PHLPP1: variants seen among roughly 807,000 people sequenced by gnomAD.
PHLPP1 encodes PH domain leucine-rich repeat-containing protein phosphatase 1.
PHLPP1 carries 42 observed loss-of-function variants against 117.2 expected under a neutral mutation model. That is an observed-to-expected ratio of 0.36 (90% CI 0.28 to 0.46). The LOEUF is 0.46. Among genes scored for constraint, PHLPP1 ranks in the 20% least tolerant of loss-of-function variants. PHLPP1 has a pLI of 1.00. For synonymous variants in PHLPP1, 1,042 were observed against 970.7 expected, an observed-to-expected ratio of 1.07 and a Z score of -1.37; for missense variants, 2,084 against 2,241.9, an observed-to-expected ratio of 0.93 and a Z score of 1.42.
At chr18:62,838,005 A>G (rs1220130505) in intron 2 of PHLPP1, 1 of 152,010 alleles carries the variant, frequency 6.6e-6, no homozygotes, top group Non-Finnish European at 1.5e-5. Flanking sequence ...GAGCAAATTA[A>G]TGTTCTACCT....
At chr18:62,826,730 C>A (rs911188967) in intron 1 of PHLPP1, among the ~76,000 whole-genome samples, 1 of 151,980 alleles carries the variant, frequency 6.6e-6, no homozygotes. Flanking sequence ...CATCCGGGCG[C>A]GGTGGTTCAT....
At chr18:62,873,180 A>G (rs974757369) in intron 4 of PHLPP1, among the ~76,000 whole-genome samples, 9 of 152,168 alleles carry the variant, frequency 5.9e-5, no homozygotes, top group Non-Finnish European at 1.3e-4. Context: ...TTAGAAAAAG[A>G]AATAGGAGAA....
chr18:62,850,611 G>A (rs1372174924), intron 3 of PHLPP1, among the ~76,000 whole-genome samples: 1 of 152,116 alleles, frequency 6.6e-6, no homozygotes, highest in Non-Finnish European at 1.5e-5. Context: ...TTGCCAATAA[G>A]GAACTGAGGA....
chr18:62,732,865 G>C (rs1243043565), intron 1 of PHLPP1, among the ~76,000 whole-genome samples: 1 of 152,176 alleles, frequency 6.6e-6, no homozygotes, highest in Non-Finnish European at 1.5e-5. Flanking sequence ...GTTGGAAATA[G>C]CAAAAGAACT....
chr18:62,976,020 A>G lies in PHLPP1; in HGVS notation c.3984+395A>G, dbSNP rs184851226. On this transcript the variant is annotated intron_variant, in intron 16 of 16. Coordinates refer to ENST00000262719, the MANE Select transcript of PHLPP1 (RefSeq NM_194449.4). ...TTTTCTCATCTGTAAAGTGGGAATA[A>G]TCATGCATCTGTCCTATCTTACAAG... 1.9e-3 allele frequency among the ~76,000 whole-genome samples: 291 copies of G among 152,334 alleles called. 2 individuals are homozygous for G. Among genetic ancestry groups the G allele is most frequent in the African/African-American group, 6.7e-3 (280 of 41,578 alleles).
chr18:62,856,393 A>G (rs1439980054), intron 3 of PHLPP1, among the ~76,000 whole-genome samples: 1 of 151,958 alleles, frequency 6.6e-6, no homozygotes, highest in Non-Finnish European at 1.5e-5. Context: ...TCTCCTTATT[A>G]TCAGTGTTCT....
intron 12 of PHLPP1, among the ~76,000 whole-genome samples, chr18:62,949,737 T>C (rs1910400145): frequency 6.6e-6 from 1 of 152,140 alleles, no homozygotes; most frequent in Non-Finnish European, 1.5e-5. Flanking sequence ...ACAGATTAGC[T>C]CTTGATCATC....
Position 62,903,064 on chromosome 18 carries a change from A to G in PHLPP1, c.2545A>G (p.Met849Val), listed in dbSNP as rs1032105654. ...CAATAAGCTTGGTGATCTAGATGCT[A>G]TGATTTTCAACAACATTGAAGTTTT... The part of the protein sequence containing the change: ...RDNKLGDLDA[M>V]IFNNIEVLHC... Residue 849 changes from methionine to valine, a missense_variant, in exon 7 of 17, where the codon ATG becomes GTG. Coordinates refer to ENST00000262719, the MANE Select transcript of PHLPP1 (RefSeq NM_194449.4). The G allele has an allele frequency of 4.3e-6, 7 of 1,613,230 alleles. No homozygotes were observed. Among genetic ancestry groups the G allele is most frequent in the African/African-American group, 2.7e-5 (2 of 75,028 alleles).
chr18:62,876,232 T>A (rs1456220007), intron 4 of PHLPP1, among the ~76,000 whole-genome samples: 6 of 152,062 alleles, frequency 3.9e-5, no homozygotes, highest in Non-Finnish European at 5.9e-5. Context: ...TAAAAAAAAA[T>A]CTATGGTTTA....
chr18:62,746,121 G>A (rs541260287), intron 1 of PHLPP1, among the ~76,000 whole-genome samples: 68 of 151,892 alleles, frequency 4.5e-4, no homozygotes, highest in African/African-American at 1.6e-3. Flanking sequence ...TTGGCTCACC[G>A]CAACCTCCCC....
At chr18:62,738,476 CTA>C (rs1911432044) in intron 1 of PHLPP1, among the ~76,000 whole-genome samples, 1 of 152,062 alleles carries the variant, frequency 6.6e-6, no homozygotes, top group Admixed American at 6.5e-5. Context: ...TATAAGTAAT[CTA>C]GAGATAATTT....
At chr18:62,722,140 A>G (rs1400781752) in intron 1 of PHLPP1, among the ~76,000 whole-genome samples, 1 of 152,200 alleles carries the variant, frequency 6.6e-6, no homozygotes, top group Non-Finnish European at 1.5e-5. Flanking sequence ...CATACTATTA[A>G]TATCTTCTAT....
chr18:62,759,651 A>AAAT (rs1912149548), intron 1 of PHLPP1, among the ~76,000 whole-genome samples: 1 of 152,238 alleles, frequency 6.6e-6, no homozygotes, highest in Non-Finnish European at 1.5e-5. Flanking sequence ...TTAAGGACTA[A>AAAT]TAACGAAATG....
intron 4 of PHLPP1, among the ~76,000 whole-genome samples, chr18:62,887,769 A>G (rs1321466115): frequency 6.6e-6 from 1 of 151,828 alleles, no homozygotes; most frequent in Admixed American, 6.6e-5. Flanking sequence ...GTAGAGTCTC[A>G]CTGTATTGCC....
intron 2 of PHLPP1, among the ~76,000 whole-genome samples, chr18:62,836,302 G>A (rs1165918761): frequency 6.6e-6 from 1 of 151,044 alleles, no homozygotes; most frequent in African/African-American, 2.4e-5. Context: ...CGCAGTGGCA[G>A]GCGCCTGTAA....
intron 1 of PHLPP1, among the ~76,000 whole-genome samples, chr18:62,810,112 G>T (rs1353090922): frequency 2.0e-5 from 3 of 152,208 alleles, no homozygotes; most frequent in African/African-American, 7.2e-5. Context: ...CACTGGTACA[G>T]TCTACTCATA....
At chr18:62,760,331 T>C (rs755335675) in intron 1 of PHLPP1, among the ~76,000 whole-genome samples, 8 of 152,218 alleles carry the variant, frequency 5.3e-5, no homozygotes, top group Non-Finnish European at 1.2e-4. Context: ...TCATTTTATA[T>C]TACTTGCCTT....
At chr18:62,868,521 C>T (rs973706041) in intron 4 of PHLPP1, among the ~76,000 whole-genome samples, 1 of 150,724 alleles carries the variant, frequency 6.6e-6, no homozygotes, top group East Asian at 2.0e-4. Context: ...CCTCAGGAGG[C>T]TAAGGCAAGA....
At chr18:62,878,661 G>T (rs551132029) in intron 4 of PHLPP1, among the ~76,000 whole-genome samples, 1 of 152,238 alleles carries the variant, frequency 6.6e-6, no homozygotes, top group Non-Finnish European at 1.5e-5. Flanking sequence ...CCTCCCTGGT[G>T]ATGTCTTTTG....
Sources: allele counts gnomAD v4.1 joint callset (sites outside exome capture counted in the v4.1 genomes callset), GRCh38; gene constraint gnomAD v4.1.1; transcripts MANE v1.5; gene names NCBI Gene and HGNC (gene_info 2026-07-23, HGNC 2026-07-21).